SCUBE2: variants seen among roughly 807,000 people sequenced by gnomAD.
SCUBE2 encodes the protein signal peptide, CUB domain and EGF like domain containing 2, also known as signal peptide, CUB and EGF-like domain-containing protein 2.
Under a neutral mutation model 125.9 loss-of-function variants are expected in SCUBE2, and 114 were observed. The observed-to-expected ratio is 0.91, with a 90% CI of 0.78 to 1.06. The LOEUF (loss-of-function observed/expected upper bound fraction) is 1.06. Among genes scored for constraint, SCUBE2 ranks in the 50% least tolerant of loss-of-function variants. SCUBE2 has a pLI of 0.00. For missense variants in SCUBE2, 1,255 were observed against 1,301.8 expected (o/e 0.96, Z 0.55); for synonymous variants, 459 against 492.9 (o/e 0.93, Z 0.91).
At position 9,027,544 on chromosome 11, in the gene SCUBE2, C is replaced by A; in HGVS notation, c.2521G>T (p.Glu841Ter). 6.2e-7 allele frequency: 1 copy of A among 1,613,546 alleles called. No individual in the cohort carries two copies. Among genetic ancestry groups the A allele is most frequent in the Non-Finnish European group, 8.5e-7 (1 of 1,179,658 alleles). ...ATGTACCCAGTGAAATCTCCCAGCT[C>A]CCCTCCACATCTTCTGTCTGAAAAA... is the stretch of plus-strand genomic sequence containing the variant. ...TQCKNRRCGG[E>*]LGDFTGYIES... is the part of the protein sequence containing the mutation. The change falls in exon 20 of 23, where the codon GAG (glutamate) becomes TAG (stop). Residue 841 changes from glutamate (E) to a stop codon, truncating the protein, a stop_gained. Transcript: ENST00000649792. LOFTEE classifies it high-confidence loss of function.
chr11:9,050,805 C>A, intron 13 of SCUBE2, 95 bp from the exon 14 acceptor site: 1 of 913,092 alleles, frequency 1.1e-6, no homozygotes, highest in Non-Finnish European at 1.8e-6. Flanking sequence ...GTGGCTTCCA[C>A]CACACACAGC....
chr11:9,051,197 T>C (rs774123645), intron 13 of SCUBE2, among the ~76,000 whole-genome samples: 1 of 140,594 alleles, frequency 7.1e-6, no homozygotes, highest in Admixed American at 7.0e-5. Context: ...TATCTATCTA[T>C]CTATCTATCT....
At chr11:9,080,446 A>T (rs1359094973) in intron 2 of SCUBE2, among the ~76,000 whole-genome samples, 1 of 152,116 alleles carries the variant, frequency 6.6e-6, no homozygotes, top group Non-Finnish European at 1.5e-5. Context: ...TGAGCCCAGG[A>T]GTTGCTGACC....
chr11:9,021,136 T>C lies in SCUBE2; in HGVS notation c.2996A>G (p.Tyr999Cys). Residue 999 changes from tyrosine (Y) to cysteine (C), a missense_variant, in exon 23 of 23, where the codon TAC (tyrosine) becomes TGC (cysteine). Tyr to Cys is a radical substitution (Grantham distance 194). Around this residue, in one of 3 missense-constraint regions of SCUBE2, gnomAD observed 515 missense variants for 515.7 expected, o/e 1.00. Coordinates refer to ENST00000649792, the MANE Select transcript of SCUBE2 (RefSeq NM_001367977.2). The part of the protein sequence containing the change: ...VLAHPQNYFK[Y>C]TAQESREMFP... Reference sequence around the variant, plus strand: ...CATCTCTCGGGACTCCTGGGCTGTGTACTTGAAATAGTTCTGGGGATGGGC... The same window carrying C: ...CATCTCTCGGGACTCCTGGGCTGTGCACTTGAAATAGTTCTGGGGATGGGC... 6.2e-7 allele frequency: 1 copy of C among 1,613,440 alleles called. No individual in the cohort carries two copies. Among genetic ancestry groups the C allele is most frequent in the Non-Finnish European group, 8.5e-7 (1 of 1,179,636 alleles).
intron 9 of SCUBE2, among the ~76,000 whole-genome samples, chr11:9,058,191 G>C (rs373593471): frequency 1.3e-5 from 2 of 152,118 alleles, no homozygotes; most frequent in South Asian, 4.1e-4. Flanking sequence ...GGCCAGGTGC[G>C]GTGGCCCACG....
chr11:9,079,628 AG>A (rs1180893221), intron 2 of SCUBE2, 119 bp from the exon 3 acceptor site: 4 of 1,036,918 alleles, frequency 3.9e-6, no homozygotes, highest in Non-Finnish European at 5.6e-6. Context: ...CCCTAACAAT[AG>A]GAAAACAAAT....
intron 10 of SCUBE2, among the ~76,000 whole-genome samples, chr11:9,054,481 T>C (rs549502875): frequency 6.6e-6 from 1 of 151,882 alleles, no homozygotes; most frequent in African/African-American, 2.4e-5. Context: ...ATTTACACAG[T>C]TGAGGCACAG....
At chr11:9,052,939 T>C in intron 12 of SCUBE2, 107 bp from the exon 13 acceptor site, 1 of 1,054,922 alleles carries the variant, frequency 9.5e-7, no homozygotes, top group Admixed American at 2.2e-5. Context: ...ACTAGAAAAA[T>C]GCCCAGCATA....
chr11:9,055,335 A>G (rs928026281), intron 10 of SCUBE2, among the ~76,000 whole-genome samples: 2 of 152,220 alleles, frequency 1.3e-5, no homozygotes, highest in African/African-American at 4.8e-5. Context: ...TTCTGCTTCC[A>G]GCTCAAAGAC....
intron 16 of SCUBE2, among the ~76,000 whole-genome samples, chr11:9,038,649 CAAA>C (rs75461375): frequency 2.6e-5 from 4 of 151,694 alleles, no homozygotes; most frequent in Admixed American, 6.6e-5. Context: ...AAAACAACAA[CAAA>C]AAAAAACAGG....
At chr11:9,077,514 TTGTGGCTAATG>T (rs1406377258) in intron 3 of SCUBE2, among the ~76,000 whole-genome samples, 1 of 152,310 alleles carries the variant, frequency 6.6e-6, no homozygotes, top group Middle Eastern at 3.4e-3. Context: ...GCTAATATAT[TTGTGGCTAATG>T]TGTGGTTAGG....
chr11:9,067,670 T>C (rs1365212143), intron 5 of SCUBE2, among the ~76,000 whole-genome samples: 1 of 152,226 alleles, frequency 6.6e-6, no homozygotes, highest in African/African-American at 2.4e-5. Context: ...CTTAGTTTTT[T>C]TCTTTGTTAA....
At chr11:9,025,484 C>T in intron 21 of SCUBE2, 1 of 482,832 alleles carries the variant, frequency 2.1e-6, no homozygotes, top group Non-Finnish European at 3.7e-6. Flanking sequence ...CCAAGCTATG[C>T]TCACTTTTAA....
chr11:9,066,951 CAT>C, intron 5 of SCUBE2, 138 bp from the exon 6 acceptor site: 2 of 679,750 alleles, frequency 2.9e-6, no homozygotes, highest in Admixed American at 2.1e-5. Flanking sequence ...GCACGAAAGA[CAT>C]AACTCCAAGT....
intron 19 of SCUBE2, among the ~76,000 whole-genome samples, chr11:9,028,797 G>A (rs1409520966): frequency 2.6e-5 from 4 of 152,234 alleles, no homozygotes; most frequent in South Asian, 4.2e-4. Flanking sequence ...GCCAACCAAG[G>A]GCCAGGTGGT....
chr11:9,033,505 T>G (rs1292244418), intron 17 of SCUBE2, 121 bp downstream of exon 17: 2 of 1,129,530 alleles, frequency 1.8e-6, no homozygotes, highest in African/African-American at 3.1e-5. Context: ...CGAGCCAACG[T>G]GGTCCCTGCT....
chr11:9,030,934 A>G lies in SCUBE2; in HGVS notation c.2174-9T>C, dbSNP rs376091997. The G allele has an allele frequency of 3.3e-4, 538 of 1,610,614 alleles. 2 individuals are homozygous for G. The African/African-American group carries it at 6.0e-3, about 18-fold the overall frequency. ...ACCAGGTTGACACAGACCTGGAAGG[A>G]CCAATAGCCTTACGTGAGCAAGGCC... On this transcript the variant is annotated splice_polypyrimidine_tract_variant and intron_variant, in intron 17 of 22. Coordinates refer to ENST00000649792, the MANE Select transcript of SCUBE2 (RefSeq NM_001367977.2).
rs1337779995 is a variant in SCUBE2, at chr11:9,035,344, A to G, written c.2003-1548T>C. ...CTTAGAGAGGTTAATAATTTGGCCA[A>G]AGTCCCACAGCTAATTTGTGAAATA... is the stretch of plus-strand genomic sequence containing the variant. On this transcript the variant is annotated intron_variant, in intron 16 of 22. Coordinates refer to ENST00000649792, the MANE Select transcript of SCUBE2 (RefSeq NM_001367977.2). Among the ~76,000 whole-genome samples the G allele has an allele frequency of 6.6e-5, 10 of 152,328 alleles. No individual in the cohort carries two copies. In the East Asian group the frequency reaches 1.7e-3, roughly 26 times the overall value.
At chr11:9,067,155 T>C (rs1860327448) in intron 5 of SCUBE2, among the ~76,000 whole-genome samples, 1 of 152,212 alleles carries the variant, frequency 6.6e-6, no homozygotes, top group Admixed American at 6.5e-5. Context: ...GTTTACCTAT[T>C]AATACAGCTG....
Sources: gnomAD v4.1 joint callset for allele counts (sites outside exome capture counted in the v4.1 genomes callset) on GRCh38, gnomAD v4.1.1 for gene constraint, gnomAD v4.1.1 regional missense constraint, MANE v1.5 for transcripts, NCBI Gene and HGNC (gene_info 2026-07-23, HGNC 2026-07-21) for gene names.